The following CALCRL variants were observed in gnomAD, a reference collection of about 807,000 sequenced individuals.
CALCRL encodes calcitonin receptor like receptor, also known as calcitonin gene-related peptide type 1 receptor.
In CALCRL, 27 loss-of-function variants were observed where a neutral mutation model predicts 60.4. The ratio of observed to expected loss-of-function variants is 0.45; its 90% CI spans 0.33 to 0.62. The LOEUF is 0.62. Ranked by LOEUF, CALCRL falls within the 20% of genes least tolerant of loss-of-function variation. CALCRL has a pLI of 0.03. For synonymous variants in CALCRL, 190 were observed against 182.6 expected, an observed-to-expected ratio of 1.04 and a Z score of -0.33; for missense variants, 424 against 540.7, an observed-to-expected ratio of 0.78 and a Z score of 2.14.
chr2:187,431,208 G>A (rs1370579407), intron 1 of CALCRL: 1 of 154,492 alleles, frequency 6.5e-6, no homozygotes, highest in Non-Finnish European at 1.5e-5. Flanking sequence ...TCTTACTATT[G>A]TTAACATGGT....
chr2:187,402,490 AG>A (rs1688934740), intron 1 of CALCRL, among the ~76,000 whole-genome samples: 1 of 151,450 alleles, frequency 6.6e-6, no homozygotes, highest in Admixed American at 6.6e-5. Context: ...ACTTTTCTGG[AG>A]TGTGGACATA....
intron 12 of CALCRL, among the ~76,000 whole-genome samples, chr2:187,353,040 T>C (rs1460719874): frequency 6.6e-6 from 1 of 151,928 alleles, no homozygotes; most frequent in African/African-American, 2.4e-5. Flanking sequence ...GTAGTTTCTT[T>C]GGATGGGAGA....
At chr2:187,400,725 T>A (rs1688852635) in intron 1 of CALCRL, among the ~76,000 whole-genome samples, 1 of 151,362 alleles carries the variant, frequency 6.6e-6, no homozygotes, top group African/African-American at 2.4e-5. Context: ...TAATGCATGC[T>A]ACCTACAGCA....
intron 1 of CALCRL, among the ~76,000 whole-genome samples, chr2:187,437,565 C>T (rs1435198001): frequency 2.0e-5 from 3 of 151,892 alleles, no homozygotes; most frequent in African/African-American, 7.3e-5. Flanking sequence ...CTATTTTAAG[C>T]TCCTTAGAAT....
At chr2:187,425,113 T>C (rs1446953947) in intron 1 of CALCRL, among the ~76,000 whole-genome samples, 1 of 151,874 alleles carries the variant, frequency 6.6e-6, no homozygotes, top group Non-Finnish European at 1.5e-5. Flanking sequence ...AAGAACAATG[T>C]TTTGGAATCT....
chr2:187,362,620 A>G (rs947665196), intron 9 of CALCRL, among the ~76,000 whole-genome samples: 1 of 152,026 alleles, frequency 6.6e-6, no homozygotes, highest in Non-Finnish European at 1.5e-5. Context: ...TAAACATTAT[A>G]AAAGCAGATA....
chr2:187,416,536 A>G (rs1347198591), intron 1 of CALCRL, among the ~76,000 whole-genome samples: 1 of 152,160 alleles, frequency 6.6e-6, no homozygotes, highest in East Asian at 1.9e-4. Context: ...GGAAATGTAA[A>G]GAAGAGCTAG....
Position 187,447,872 on chromosome 2 carries a change from T to C in CALCRL, c.-293+167A>G, listed in dbSNP as rs929144181. 6.6e-5 allele frequency among the ~76,000 whole-genome samples: 10 copies of C among 152,242 alleles called. No individual in the cohort carries two copies. The East Asian group carries it at 1.9e-3, about 29-fold the overall frequency. On this transcript the variant is annotated intron_variant, in intron 1 of 14. Coordinates refer to ENST00000392370, the MANE Select transcript of CALCRL (RefSeq NM_005795.6). ...TATTATCTAGTAGTATTAGATTTTG[T>C]ATTCATGTTGGGGTAGTAGGCTGTA...
chr2:187,349,419 G>A (rs1686426710), intron 14 of CALCRL, among the ~76,000 whole-genome samples: 1 of 151,666 alleles, frequency 6.6e-6, no homozygotes. Context: ...AACTAAGCCT[G>A]AGCAAATGAT....
At chr2:187,365,545 A>C (rs1559044444) in intron 8 of CALCRL, among the ~76,000 whole-genome samples, 1 of 152,214 alleles carries the variant, frequency 6.6e-6, no homozygotes, top group Non-Finnish European at 1.5e-5. Flanking sequence ...CATATATCTA[A>C]GTCCATTGGC....
intron 1 of CALCRL, among the ~76,000 whole-genome samples, chr2:187,401,826 T>C (rs1171652999): frequency 2.6e-5 from 4 of 151,604 alleles, no homozygotes; most frequent in Non-Finnish European, 5.9e-5. Context: ...AATGTTGAAC[T>C]TTGGTTTATT....
chr2:187,374,981 A>C (rs1378479161), intron 8 of CALCRL, among the ~76,000 whole-genome samples: 2 of 152,154 alleles, frequency 1.3e-5, no homozygotes, highest in Non-Finnish European at 2.9e-5. Flanking sequence ...CTATCCATTA[A>C]AATTGAGTTG....
intron 1 of CALCRL, among the ~76,000 whole-genome samples, chr2:187,394,074 G>T (rs114536182): frequency 0.013 from 1,932 of 152,130 alleles, 45 homozygotes; most frequent in African/African-American, 0.044. Flanking sequence ...CTTAAAAGAA[G>T]AAAAGAAAGG....
chr2:187,352,122 G>A lies in CALCRL; in HGVS notation c.1120C>T (p.His374Tyr). The change falls in exon 13 of 15, where the codon CAC (histidine) becomes TAC (tyrosine). Residue 374 changes from histidine (H) to tyrosine (Y), a missense_variant. Around this residue, in one of 7 missense-constraint regions of CALCRL, gnomAD observed 222 missense variants for 265.6 expected, o/e 0.84. Transcript: ENST00000392370. ...TATCAAGAATGCCATACCTGGAAGT[G>A]CATAAGGATGTGCATGATGTAGTCA... ...VYDYIMHILM[H>Y]FQGLLVSTIF... The A allele has an allele frequency of 1.9e-6, 3 of 1,611,318 alleles. No individual in the cohort carries two copies. The highest frequency in any genetic ancestry group is 2.5e-6 in the Non-Finnish European group (3 of 1,178,006).
chr2:187,381,269 G>A (rs1318917467), intron 5 of CALCRL, among the ~76,000 whole-genome samples: 1 of 151,792 alleles, frequency 6.6e-6, no homozygotes, highest in South Asian at 2.1e-4. Context: ...ACTTATTTAG[G>A]CCCCTCCACC....
rs557062192 is a variant in CALCRL, at chr2:187,343,450, A to G, written c.*2734T>C. 4.6e-5 allele frequency: 7 copies of G among 152,076 alleles called. No homozygotes were observed. The highest frequency in any genetic ancestry group is 8.9e-5 in the Non-Finnish European group (6 of 67,552). The allele number at this position is 152,076 out of a possible 1,614,324, so 9.4% of individuals were successfully genotyped here. A position where few individuals can be genotyped will look rare whatever the true frequency, so the allele number is the denominator to read the frequency against. On this transcript the variant is annotated 3_prime_UTR_variant, in exon 15 of 15. Coordinates refer to ENST00000392370, the MANE Select transcript of CALCRL (RefSeq NM_005795.6). The stretch of plus-strand genomic sequence containing the variant: ...GCAGATTAAAACCAAGAGAAAATTA[A>G]AAGTAAGTTCACATTTAAAAAAAAT...
intron 1 of CALCRL, among the ~76,000 whole-genome samples, chr2:187,431,761 G>GGA (rs1690418369): frequency 6.7e-6 from 1 of 149,328 alleles, no homozygotes; most frequent in Admixed American, 6.7e-5. Flanking sequence ...ATTATAAGGA[G>GGA]AAAAAAAAAG....
At chr2:187,348,181 A>G (rs1280944859) in intron 14 of CALCRL, among the ~76,000 whole-genome samples, 1 of 151,738 alleles carries the variant, frequency 6.6e-6, no homozygotes, top group African/African-American at 2.4e-5. Context: ...TTTAAAAATA[A>G]CATCTGCATA....
At chr2:187,354,117 TAGA>T (rs1453305929) in intron 12 of CALCRL, among the ~76,000 whole-genome samples, 2 of 152,034 alleles carry the variant, frequency 1.3e-5, no homozygotes, top group African/African-American at 4.8e-5. Context: ...TTTTAAATTT[TAGA>T]AGAACTATGT....
Sources: gnomAD v4.1 joint callset for allele counts (sites outside exome capture counted in the v4.1 genomes callset) on GRCh38, gnomAD v4.1.1 for gene constraint, gnomAD v4.1.1 regional missense constraint, MANE v1.5 for transcripts, NCBI Gene and HGNC (gene_info 2026-07-23, HGNC 2026-07-21) for gene names.